Variants in ENO3 observed in about 807,000 individuals in gnomAD.
ENO3 encodes enolase 3.
In ENO3, 46 loss-of-function variants were observed where a neutral mutation model predicts 47.7. That is an observed-to-expected ratio of 0.96 (90% confidence interval 0.76 to 1.23). ENO3 has a LOEUF of 1.23. Among genes scored for constraint, ENO3 ranks in the 50% most tolerant of loss-of-function variants. ENO3 has a pLI of 0.00. For synonymous variants in ENO3, 223 were observed against 225.9 expected, an observed-to-expected ratio of 0.99 and a Z score of 0.11; for missense variants, 575 against 566.2, an observed-to-expected ratio of 1.02 and a Z score of -0.16.
rs193234227 is a variant in ENO3 at position 4,957,127 on chromosome 17, C to T, written c.*80C>T. On this transcript the variant is annotated 3_prime_UTR_variant, in exon 12 of 12. Transcript: ENST00000519602. Reference sequence around the variant, plus strand: ...TCCTGAAATAAACACTGGTGCCAACCAAGACAGCTGTGTGCTTCTTTGTGG... The same window carrying T: ...TCCTGAAATAAACACTGGTGCCAACTAAGACAGCTGTGTGCTTCTTTGTGG... 37 of 1,567,328 alleles carry T rather than the reference C, an allele frequency of 2.4e-5. No homozygotes were observed. The East Asian group carries it at 8.1e-4, about 34-fold the overall frequency.
At chr17:4,949,069 C>G (rs2151136784), upstream of ENO3, 1 of 152,088 alleles carries the variant, frequency 6.6e-6, no homozygotes, top group South Asian at 2.1e-4. Context: ...CCGGCCCGAC[C>G]CGTGTGGACC....
At chr17:4,954,977 G>C in intron 6 of ENO3, 98 bp from the exon 7 acceptor site, 1 of 1,064,502 alleles carries the variant, frequency 9.4e-7, no homozygotes, top group South Asian at 1.4e-5. Flanking sequence ...GAGCTAGTAA[G>C]TAGGGAAGCC....
chr17:4,953,885 CA>C, intron 6 of ENO3, 40 bp downstream of exon 6: 1 of 1,613,756 alleles, frequency 6.2e-7, no homozygotes, highest in South Asian at 1.1e-5. Flanking sequence ...CTCGCCTGGA[CA>C]GAGCCAACCC....
rs776814536 is a variant in ENO3, at chr17:4,953,812, C to T, written c.411C>T (p.Leu137=). 18 of 1,614,082 alleles carry T rather than the reference C, an allele frequency of 1.1e-5. 1 individual carries two copies. The highest frequency in any genetic ancestry group is 1.1e-4 in the African/African-American group (8 of 74,918). The change falls in exon 6 of 12, where the codon CTC becomes CTT. Residue 137 remains leucine, a synonymous_variant. Transcript: ENST00000519602. ...GVPLYRHIAD[L]AGNPDLILPV... ...CCCTGTACCGCCACATCGCAGATCT[C>T]GCTGGGAACCCTGACCTCATACTCC...
intron 8 of ENO3, 114 bp from the exon 9 acceptor site, chr17:4,955,815 GCCCTGTCTCTGCT>G: frequency 2.3e-6 from 1 of 442,726 alleles, no homozygotes. Context: ...CCTTGTCTCT[GCCCTGTCTCTGCT>G]CTGTCTCTGC....
intron 6 of ENO3, among the ~76,000 whole-genome samples, 164 bp from the exon 7 acceptor site, chr17:4,954,911 A>AAAAG (rs1164241704): frequency 8.6e-5 from 13 of 151,352 alleles, no homozygotes; most frequent in Non-Finnish European, 8.8e-5. Context: ...AAAAAAAAAA[A>AAAAG]AAAGAAAGAA....
At chr17:4,955,358 G>A (rs774993849) in intron 7 of ENO3, 49 bp from the exon 8 acceptor site, 4 of 1,614,112 alleles carry the variant, frequency 2.5e-6, no homozygotes, top group Non-Finnish European at 3.4e-6. Flanking sequence ...AGGGGAGGCT[G>A]CAGACAAGGG....
rs376564824 is a variant in ENO3 at position 4,955,996 on chromosome 17, T to G, written c.920T>G (p.Phe307Cys). 23 of 1,613,318 alleles carry G rather than the reference T, an allele frequency of 1.4e-5. No individual in the cohort carries two copies. The highest frequency in any genetic ancestry group is 1.9e-5 in the Non-Finnish European group (22 of 1,179,860). Residue 307 changes from phenylalanine to cysteine, a missense_variant, in exon 9 of 12, where the codon TTC (phenylalanine) becomes TGC (cysteine). Phe to Cys is a radical substitution (Grantham distance 205). Transcript: ENST00000519602. ...DQDDWATWTS[F>C]LSGVNIQIVG... ...GATGACTGGGCCACTTGGACCTCCT[T>G]CCTCTCGGGGGTGAACATCCAGATT...
chr17:4,956,241 T>G, intron 9 of ENO3, 98 bp downstream of exon 9: 1 of 1,416,360 alleles, frequency 7.1e-7, no homozygotes, highest in Non-Finnish European at 9.8e-7. Context: ...AAGCTTACCT[T>G]TCCCCTGGCA....
At chr17:4,948,950 C>G (rs1971466667), upstream of ENO3, 1 of 152,098 alleles carries the variant, frequency 6.6e-6, no homozygotes, top group Admixed American at 6.5e-5. Context: ...CCACCTCCGC[C>G]GAAGGGAAGG....
At chr17:4,951,971 T>TGCCCCCC in intron 2 of ENO3, 57 bp downstream of exon 2, 1 of 1,581,648 alleles carries the variant, frequency 6.3e-7, no homozygotes, top group South Asian at 1.1e-5. Flanking sequence ...CTTTGGCCTT[T>TGCCCCCC]GCCCCCCAGT....
In ENO3 at chr17:4,953,449, A is replaced by G. The variant is rs992227167; in HGVS notation, c.310+108A>G. Reference sequence around the variant, plus strand: ...TTCTGGGTCCCCCATTTTGGGTCACACCGCAGCTGGATGGATTTGTGTTCA... The same window carrying G: ...TTCTGGGTCCCCCATTTTGGGTCACGCCGCAGCTGGATGGATTTGTGTTCA... On this transcript the variant is annotated intron_variant, in intron 5 of 11. Coordinates refer to ENST00000519602, the MANE Select transcript of ENO3 (RefSeq NM_053013.4). 3.3e-6 allele frequency: 5 copies of G among 1,498,328 alleles called. No homozygotes were observed. The African/African-American group carries it at 4.1e-5, about 12-fold the overall frequency. 92.8% of individuals were successfully genotyped at this position (1,498,328 alleles called of 1,614,324 possible). A position where few individuals can be genotyped will look rare whatever the true frequency, so the allele number is the denominator to read the frequency against.
At chr17:4,950,641 C>T (rs899344802), upstream of ENO3, 2 of 985,546 alleles carry the variant, frequency 2.0e-6, no homozygotes, top group Non-Finnish European at 2.4e-6. Context: ...GTGAGACCCT[C>T]TCGCCTTCTG....
chr17:4,956,480 G>A (rs1290879765), intron 9 of ENO3, 93 bp from the exon 10 acceptor site: 7 of 1,248,114 alleles, frequency 5.6e-6, no homozygotes, highest in East Asian at 2.3e-5. Context: ...CAGAGTGCTT[G>A]CTACCCAAAA....
Position 4,951,921 on chromosome 17 carries a change from C to G in ENO3, c.85+7C>G. The G allele has an allele frequency of 6.2e-7, 1 of 1,614,124 alleles. No homozygotes were observed. Among genetic ancestry groups the G allele is most frequent in the Non-Finnish European group, 8.5e-7 (1 of 1,179,964 alleles). On this transcript the variant is annotated splice_region_variant and intron_variant, in intron 2 of 11. Coordinates refer to ENST00000519602, the MANE Select transcript of ENO3 (RefSeq NM_053013.4). ...GACCTGCACACGGCCAAGGGTAACA[C>G]AAGGCCCATTGGATAGGCTCGCCTC...
chr17:4,953,362 G>A lies in ENO3; in HGVS notation c.310+21G>A, dbSNP rs182308848. On this transcript the variant is annotated intron_variant, in intron 5 of 11. Coordinates refer to ENST00000519602, the MANE Select transcript of ENO3 (RefSeq NM_053013.4). Reference sequence around the variant, plus strand: ...TAAGTGTGAGTGAAGGGCTAGCGGTGGGGAAGGGATGAGGTGTGGGAGAGA... The same window carrying A: ...TAAGTGTGAGTGAAGGGCTAGCGGTAGGGAAGGGATGAGGTGTGGGAGAGA... 4.3e-6 allele frequency: 7 copies of A among 1,614,214 alleles called. No individual in the cohort carries two copies. In the Admixed American group the frequency reaches 5.0e-5, roughly 12 times the overall value.
intron 2 of ENO3, 80 bp downstream of exon 2, chr17:4,951,994 C>T (rs778510083): frequency 6.8e-7 from 1 of 1,463,238 alleles, no homozygotes; most frequent in South Asian, 1.1e-5. Context: ...TGTGCCATAT[C>T]CTCTCCTTTC....
At chr17:4,953,576 C>T (rs754820119) in intron 5 of ENO3, 136 bp from the exon 6 acceptor site, 40 of 1,540,806 alleles carry the variant, frequency 2.6e-5, no homozygotes, top group Non-Finnish European at 3.3e-5. Flanking sequence ...GTTCCCAGGG[C>T]TACTCAGGCT....
Position 4,952,737 on chromosome 17 carries a change from C to G in ENO3, c.86-58C>G. On this transcript the variant is annotated intron_variant, in intron 2 of 11. Transcript: ENST00000519602. ...TAGGCCTCTCAAAGTGCTGGGATTA[C>G]AGGCATGGGCCACCGCGCCCAGCCA... The G allele has an allele frequency of 1.2e-5, 18 of 1,533,564 alleles. No individual in the cohort carries two copies. In the South Asian group the frequency reaches 2.1e-4, roughly 18 times the overall value. 95.0% of individuals were successfully genotyped at this position (1,533,564 alleles called of 1,614,324 possible). A position where few individuals can be genotyped will look rare whatever the true frequency, so the allele number is the denominator to read the frequency against.
Sources: gnomAD v4.1 joint callset for allele counts (sites outside exome capture counted in the v4.1 genomes callset) on GRCh38, gnomAD v4.1.1 for gene constraint, MANE v1.5 for transcripts, NCBI Gene and HGNC (gene_info 2026-07-23, HGNC 2026-07-21) for gene names.